The following RAI14 variants were observed in gnomAD, a reference collection of about 807,000 sequenced individuals.
The protein encoded by RAI14 is ankycorbin.
In RAI14, 45 loss-of-function variants were observed where a neutral mutation model predicts 115.4. That is an observed-to-expected ratio of 0.39 (90% CI 0.31 to 0.50). The LOEUF (loss-of-function observed/expected upper bound fraction) is 0.50. Among genes scored for constraint, RAI14 ranks in the 20% least tolerant of loss-of-function variants. The pLI, the probability that RAI14 is intolerant of heterozygous loss-of-function variation, is 0.85. For missense variants in RAI14, 939 were observed against 1,131.2 expected, an observed-to-expected ratio of 0.83 and a Z score of 2.44; for synonymous variants, 371 against 415.4, an observed-to-expected ratio of 0.89 and a Z score of 1.30.
chr5:34,680,837 T>C lies in RAI14; in HGVS notation c.-48-6035T>C, dbSNP rs567502556. 1.1e-3 allele frequency among the ~76,000 whole-genome samples: 166 copies of C among 152,364 alleles called. 1 individual carries two copies. Among genetic ancestry groups the C allele is most frequent in the African/African-American group, 3.8e-3 (159 of 41,586 alleles). Reference sequence around the variant, plus strand: ...TATTTAACACCTACTTATAAGATGATTTTTTAATTATTCTTTATTCATATC... The same window carrying C: ...TATTTAACACCTACTTATAAGATGACTTTTTAATTATTCTTTATTCATATC... On this transcript the variant is annotated intron_variant, in intron 1 of 17. Coordinates refer to ENST00000265109, the MANE Select transcript of RAI14 (RefSeq NM_015577.3).
At chr5:34,665,614 C>T (rs1370463405) in intron 1 of RAI14, among the ~76,000 whole-genome samples, 3 of 151,476 alleles carry the variant, frequency 2.0e-5, no homozygotes, top group African/African-American at 7.3e-5. Context: ...GGGTTTTGGA[C>T]CATTCTTCCT....
At position 34,745,487 on chromosome 5, in the gene RAI14, G is replaced by A. The variant is rs1247716840; in HGVS notation, c.37-11981G>A. Among the ~76,000 whole-genome samples, 3 of 152,186 alleles carry A rather than the reference G, an allele frequency of 2.0e-5. No individual in the cohort carries two copies. In the East Asian group the frequency reaches 5.8e-4, roughly 29 times the overall value. On this transcript the variant is annotated intron_variant, in intron 2 of 17. Transcript: ENST00000265109. ...ACATCAATGACCCATCCAACACCTT[G>A]CCTCTGATCTATAGGACCAGTCCCT...
intron 4 of RAI14, among the ~76,000 whole-genome samples, chr5:34,798,385 T>G (rs1753803528): frequency 6.7e-6 from 1 of 149,980 alleles, no homozygotes; most frequent in Non-Finnish European, 1.5e-5. Context: ...TGTAGAAAAG[T>G]TGAGAAATAT....
At chr5:34,819,755 T>C (rs541534748) in intron 13 of RAI14, among the ~76,000 whole-genome samples, 6 of 152,272 alleles carry the variant, frequency 3.9e-5, no homozygotes, top group Non-Finnish European at 8.8e-5. Context: ...CTTAGAAATA[T>C]TTTTTATTTA....
intron 2 of RAI14, among the ~76,000 whole-genome samples, chr5:34,703,171 C>T (rs1214537097): frequency 3.3e-5 from 5 of 151,818 alleles, no homozygotes; most frequent in Non-Finnish European, 7.4e-5. Context: ...TGGGAAAATG[C>T]GTATAATAAA....
chr5:34,829,136 T>C (rs1352273576), intron 16 of RAI14, among the ~76,000 whole-genome samples: 6 of 92,910 alleles, frequency 6.5e-5, no homozygotes, highest in Non-Finnish European at 1.4e-4. Context: ...CATATATACA[T>C]ATATACACAC....
At chr5:34,670,800 T>C (rs1249166990) in intron 1 of RAI14, among the ~76,000 whole-genome samples, 3 of 152,248 alleles carry the variant, frequency 2.0e-5, no homozygotes, top group Non-Finnish European at 2.9e-5. Context: ...TCTTATCTTA[T>C]TCCAGATTGC....
chr5:34,688,204 A>G (rs1738093709), intron 2 of RAI14: 1 of 1,551,274 alleles, frequency 6.4e-7, no homozygotes, highest in Non-Finnish European at 8.7e-7. Context: ...GCTGTATGTT[A>G]TGCAGCCTAC....
chr5:34,802,524 C>A (rs462744), intron 4 of RAI14, among the ~76,000 whole-genome samples: 137,616 of 152,066 alleles, frequency 0.9, 63,090 homozygotes, highest in Non-Finnish European at 0.99. Context: ...CAGGTCCCCC[C>A]ATCCAGACAT....
In RAI14 at chr5:34,724,940, G is replaced by C. The variant is rs536952382; in HGVS notation, c.37-32528G>C. 1.0e-3 allele frequency among the ~76,000 whole-genome samples: 156 copies of C among 152,198 alleles called. 1 individual carries two copies. Among genetic ancestry groups the C allele is most frequent in the African/African-American group, 3.6e-3 (150 of 41,524 alleles). ...GCAATAGGCTCTGGGAGAATGGAGAGGTGGGGTCTCCTAGGTTACCAAGCT... is the reference window on the plus strand; with the variant it reads ...GCAATAGGCTCTGGGAGAATGGAGACGTGGGGTCTCCTAGGTTACCAAGCT... On this transcript the variant is annotated intron_variant, in intron 2 of 17. Transcript: ENST00000265109.
Position 34,782,277 on chromosome 5 carries a change from T to C in RAI14, c.168-13662T>C, listed in dbSNP as rs185652666. Reference sequence around the variant, plus strand: ...CTGTTCCCAACATGTCCCCCTTGTCTTTTTTTCTTTTTTTTCAAAGTGATA... The same window carrying C: ...CTGTTCCCAACATGTCCCCCTTGTCCTTTTTTCTTTTTTTTCAAAGTGATA... On this transcript the variant is annotated intron_variant, in intron 3 of 17. Transcript: ENST00000265109. Among the ~76,000 whole-genome samples, 518 of 152,148 alleles carry C rather than the reference T, an allele frequency of 3.4e-3. 3 individuals are homozygous for C. Among genetic ancestry groups the C allele is most frequent in the Non-Finnish European group, 6.4e-3 (435 of 67,930 alleles).
At chr5:34,705,702 C>T (rs559091436) in intron 2 of RAI14, among the ~76,000 whole-genome samples, 2 of 152,292 alleles carry the variant, frequency 1.3e-5, no homozygotes, top group South Asian at 2.1e-4. Flanking sequence ...GGCTGGAGTG[C>T]AATGGTGCGA....
At chr5:34,770,501 A>C (rs1750012287) in intron 3 of RAI14, among the ~76,000 whole-genome samples, 1 of 152,244 alleles carries the variant, frequency 6.6e-6, no homozygotes, top group Non-Finnish European at 1.5e-5. Flanking sequence ...ATACCTCTTT[A>C]CTATAATGTC....
chr5:34,757,302 G>T, intron 2 of RAI14, 166 bp from the exon 3 acceptor site: 1 of 767,056 alleles, frequency 1.3e-6, no homozygotes, highest in South Asian at 1.4e-5. Context: ...CGGCCTTCTT[G>T]GGTGTCTCCA....
At position 34,822,973 on chromosome 5, in the gene RAI14, G is replaced by A; in HGVS notation, c.1131G>A (p.Glu377=). The part of the protein sequence containing the change: ...QDKLQAKSPK[E]AEADLSFDSY... ...TTTCCTAGGCCAAATCACCCAAGGA[G>A]GCGGAAGCAGACCTAAGCTTTGACT... Residue 377 remains glutamate (E), a synonymous_variant, in exon 15 of 18, where the codon GAG becomes GAA. Transcript: ENST00000265109. 1 of 1,612,282 alleles carries A rather than the reference G, an allele frequency of 6.2e-7. No homozygotes were observed.
At chr5:34,803,811 C>A in intron 5 of RAI14, 35 bp downstream of exon 5, 2 of 1,567,408 alleles carry the variant, frequency 1.3e-6, no homozygotes, top group South Asian at 2.3e-5. Flanking sequence ...ATAAATGTGT[C>A]GGTTTTACAA....
In RAI14 at chr5:34,724,926, TGGGAGAATGGAGA is replaced by T. The variant is rs1743255128; in HGVS notation, c.37-32539_37-32527del. On this transcript the variant is annotated intron_variant, in intron 2 of 17. Coordinates refer to ENST00000265109, the MANE Select transcript of RAI14 (RefSeq NM_015577.3). Reference sequence around the variant, plus strand: ...GTTGCTTTTCTAAGGCAATAGGCTCTGGGAGAATGGAGAGGTGGGGTCTCCTAGGTTACCAAGC... The same window carrying T: ...GTTGCTTTTCTAAGGCAATAGGCTCTGGTGGGGTCTCCTAGGTTACCAAGC... Among the ~76,000 whole-genome samples the T allele has an allele frequency of 2.6e-5, 4 of 152,262 alleles. No homozygotes were observed. The South Asian group carries it at 8.3e-4, about 32-fold the overall frequency.
chr5:34,687,594 A>G (rs1244013698), intron 2 of RAI14: 3 of 1,515,254 alleles, frequency 2.0e-6, no homozygotes, highest in Non-Finnish European at 2.7e-6. Context: ...GTACACGATA[A>G]TATTTTTTTA....
chr5:34,817,431 C>T (rs185884185), intron 12 of RAI14, among the ~76,000 whole-genome samples: 3 of 152,154 alleles, frequency 2.0e-5, no homozygotes, highest in East Asian at 1.9e-4. Flanking sequence ...GTTTGGAAAG[C>T]TGGAAGTTTC....
Sources: gnomAD v4.1 joint callset for allele counts (sites outside exome capture counted in the v4.1 genomes callset) on GRCh38, gnomAD v4.1.1 for gene constraint, MANE v1.5 for transcripts, NCBI Gene and HGNC (gene_info 2026-07-23, HGNC 2026-07-21) for gene names.